KCNQ3: variants seen among roughly 807,000 people sequenced by gnomAD.
KCNQ3 encodes the protein potassium voltage-gated channel subfamily Q member 3.
Under a neutral mutation model 92.5 loss-of-function variants are expected in KCNQ3, and 30 were observed. The ratio of observed to expected loss-of-function variants is 0.32; its 90% CI spans 0.24 to 0.44. The LOEUF (loss-of-function observed/expected upper bound fraction) is 0.44, where lower values mean the gene tolerates loss of function less well. Among genes scored for constraint, KCNQ3 ranks in the 20% least tolerant of loss-of-function variants. KCNQ3 has a pLI of 1.00. For synonymous variants in KCNQ3, 450 were observed against 468.8 expected (o/e 0.96, Z 0.52); for missense variants, 913 against 1,140.3 (o/e 0.80, Z 2.87).
At chr8:132,220,786 A>C (rs1298467583) in intron 1 of KCNQ3, among the ~76,000 whole-genome samples, 1 of 150,620 alleles carries the variant, frequency 6.6e-6, no homozygotes, top group Non-Finnish European at 1.5e-5. Flanking sequence ...TAAAAAATAA[A>C]AATAAAAATA....
chr8:132,300,782 C>A (rs896747064), intron 1 of KCNQ3, among the ~76,000 whole-genome samples: 4 of 152,180 alleles, frequency 2.6e-5, no homozygotes, highest in Non-Finnish European at 5.9e-5. Context: ...ACCTGCCCAA[C>A]TCTGGCAGGT....
intron 1 of KCNQ3, among the ~76,000 whole-genome samples, chr8:132,323,979 T>C (rs1479769969): frequency 6.6e-6 from 1 of 152,172 alleles, no homozygotes; most frequent in Non-Finnish European, 1.5e-5. Flanking sequence ...TCCTCTCCCA[T>C]GGCTACTTCT....
intron 5 of KCNQ3, 149 bp downstream of exon 5, chr8:132,175,304 C>T (rs1826510440): frequency 1.2e-6 from 1 of 855,608 alleles, no homozygotes; most frequent in Non-Finnish European, 2.0e-6. Context: ...GGTCTTCTGT[C>T]AGCAGGTTCT....
intron 1 of KCNQ3, among the ~76,000 whole-genome samples, chr8:132,403,217 A>G (rs1820394369): frequency 7.4e-6 from 1 of 135,948 alleles, no homozygotes; most frequent in African/African-American, 2.8e-5. Flanking sequence ...TTAAATCCCA[A>G]GGCAAGAAAA....
At chr8:132,258,153 T>C (rs1052744019) in intron 1 of KCNQ3, among the ~76,000 whole-genome samples, 1 of 152,162 alleles carries the variant, frequency 6.6e-6, no homozygotes, top group East Asian at 1.9e-4. Context: ...ACAGTATAGT[T>C]AGACTAGACA....
intron 1 of KCNQ3, among the ~76,000 whole-genome samples, chr8:132,419,764 AT>A (rs1820916247): frequency 6.6e-6 from 1 of 152,230 alleles, no homozygotes; most frequent in African/African-American, 2.4e-5. Context: ...AGGCTCAAAA[AT>A]CCCGAAGTGA....
chr8:132,377,495 G>A (rs2130748655), intron 1 of KCNQ3, among the ~76,000 whole-genome samples: 1 of 152,340 alleles, frequency 6.6e-6, no homozygotes, highest in African/African-American at 2.4e-5. Context: ...GAGAGGTAAG[G>A]AAGGGGCAGG....
At chr8:132,417,708 C>CATTCA (rs1563903747) in intron 1 of KCNQ3, among the ~76,000 whole-genome samples, 6 of 152,080 alleles carry the variant, frequency 3.9e-5, no homozygotes, top group African/African-American at 1.4e-4. Flanking sequence ...TCATTCATTC[C>CATTCA]AGGCATGGCA....
rs1824765997 is a variant in KCNQ3, at chr8:132,129,145, A to G, written c.*117T>C. The G allele has an allele frequency of 2.4e-6, 3 of 1,270,396 alleles. No homozygotes were observed. The Admixed American group carries it at 5.5e-5, about 23-fold the overall frequency. The allele number at this position is 1,270,396 out of a possible 1,614,324, so 78.7% of individuals were successfully genotyped here. On this transcript the variant is annotated 3_prime_UTR_variant, in exon 15 of 15. Transcript: ENST00000388996. This position sits in a 1 kb window ranked among gnomAD's most constrained non-coding sequence, Gnocchi z 5.9. ...CCCTGCCTGGGTGGGGCCACCACGC[A>G]CACGCATGCATTTGATGCAGCCATT...
intron 13 of KCNQ3, among the ~76,000 whole-genome samples, chr8:132,132,626 G>A (rs1824920701): frequency 6.6e-6 from 1 of 151,906 alleles, no homozygotes; most frequent in African/African-American, 2.4e-5. Flanking sequence ...TGAGATCTGA[G>A]ACTTTTACTC....
intron 2 of KCNQ3, among the ~76,000 whole-genome samples, chr8:132,185,358 A>G (rs1826927417): frequency 6.6e-6 from 1 of 152,234 alleles, no homozygotes; most frequent in Non-Finnish European, 1.5e-5. Flanking sequence ...CTGACTCCTA[A>G]TCACGGCAAG....
chr8:132,432,659 A>G (rs565180832), intron 1 of KCNQ3, among the ~76,000 whole-genome samples: 1 of 152,276 alleles, frequency 6.6e-6, no homozygotes, highest in East Asian at 1.9e-4. Context: ...CTCTGTTAAC[A>G]GGACTTAGGA....
chr8:132,237,632 G>A (rs1814859690), intron 1 of KCNQ3, among the ~76,000 whole-genome samples: 1 of 152,162 alleles, frequency 6.6e-6, no homozygotes, highest in South Asian at 2.1e-4. Context: ...ACCCACGAGG[G>A]CAGTCCAGGA....
At chr8:132,208,243 T>C (rs1380299236) in intron 1 of KCNQ3, among the ~76,000 whole-genome samples, 1 of 152,186 alleles carries the variant, frequency 6.6e-6, no homozygotes, top group East Asian at 1.9e-4. Context: ...CACCAATTAC[T>C]TTAATCAGCC....
chr8:132,150,769 T>C (rs1825612635), intron 9 of KCNQ3, among the ~76,000 whole-genome samples: 1 of 151,868 alleles, frequency 6.6e-6, no homozygotes, highest in Non-Finnish European at 1.5e-5. Context: ...AAATAGGAGA[T>C]TGGCAAACAA....
intron 9 of KCNQ3, among the ~76,000 whole-genome samples, chr8:132,147,996 A>G (rs1055253099): frequency 6.6e-6 from 1 of 152,222 alleles, no homozygotes; most frequent in Admixed American, 6.5e-5. Flanking sequence ...GCAGACAGGT[A>G]ATAAACACCT....
intron 1 of KCNQ3, among the ~76,000 whole-genome samples, chr8:132,357,726 G>T (rs1025614050): frequency 6.6e-6 from 1 of 152,198 alleles, no homozygotes; most frequent in African/African-American, 2.4e-5. Context: ...TCCTGAGACT[G>T]TCTTCCTTGC....
At chr8:132,451,733 T>A (rs936699412) in intron 1 of KCNQ3, among the ~76,000 whole-genome samples, 7 of 152,202 alleles carry the variant, frequency 4.6e-5, no homozygotes, top group Admixed American at 2.0e-4. Flanking sequence ...CATCTATCAA[T>A]GGATAACTGT....
intron 9 of KCNQ3, among the ~76,000 whole-genome samples, 160 bp from the exon 10 acceptor site, chr8:132,141,491 C>T (rs1045462125): frequency 3.3e-5 from 5 of 152,142 alleles, no homozygotes; most frequent in Admixed American, 6.5e-5. Flanking sequence ...TCGGACAGGG[C>T]GTGGTTCAAA....
Sources: allele counts gnomAD v4.1 joint callset (sites outside exome capture counted in the v4.1 genomes callset), GRCh38; gene constraint gnomAD v4.1.1; non-coding constraint Gnocchi (gnomAD v3.1); transcripts MANE v1.5; gene names NCBI Gene and HGNC (gene_info 2026-07-23, HGNC 2026-07-21).